The following CSMD3 variants were observed in gnomAD, a reference collection of about 807,000 sequenced individuals.
CSMD3 encodes CUB and sushi domain-containing protein 3.
Under a neutral mutation model 435.2 loss-of-function variants are expected in CSMD3, and 177 were observed. That is an observed-to-expected ratio of 0.41 (90% CI 0.36 to 0.46). The LOEUF is 0.46. CSMD3 is among the 20% of genes least tolerant of loss of function. The pLI is 0.34. For missense variants in CSMD3, 4,265 were observed against 4,504.6 expected (o/e 0.95, Z 1.52); for synonymous variants, 1,656 against 1,520.5 (o/e 1.09, Z -2.07).
At chr8:113,087,088 C>G (rs1242958675) in intron 5 of CSMD3, among the ~76,000 whole-genome samples, 1 of 152,008 alleles carries the variant, frequency 6.6e-6, no homozygotes, top group Non-Finnish European at 1.5e-5. Flanking sequence ...GAGTCATTTT[C>G]CACTCCAAAT....
intron 3 of CSMD3, among the ~76,000 whole-genome samples, chr8:113,242,436 C>T (rs2093229266): frequency 6.6e-6 from 1 of 151,932 alleles, no homozygotes. Context: ...CAACTACTCA[C>T]AATAATAGAC....
At chr8:112,348,248 A>AG in intron 40 of CSMD3, among the ~76,000 whole-genome samples, 1 of 152,330 alleles carries the variant, frequency 6.6e-6, no homozygotes, top group East Asian at 1.9e-4. Context: ...AGCTTCATGT[A>AG]CACTCTTTTG....
chr8:113,066,266 T>G (rs1442810250), intron 5 of CSMD3, among the ~76,000 whole-genome samples: 1 of 152,022 alleles, frequency 6.6e-6, no homozygotes, highest in Non-Finnish European at 1.5e-5. Flanking sequence ...TCTGAGGACT[T>G]TAGAACTCTA....
chr8:112,407,996 G>A (rs993915378), intron 34 of CSMD3, among the ~76,000 whole-genome samples: 3 of 151,826 alleles, frequency 2.0e-5, no homozygotes. Context: ...AACTAAATTA[G>A]ACTAAATAGT....
At chr8:112,913,020 G>A (rs1475764554) in intron 10 of CSMD3, among the ~76,000 whole-genome samples, 2 of 151,772 alleles carry the variant, frequency 1.3e-5, no homozygotes, top group African/African-American at 2.4e-5. Flanking sequence ...CTTTGCCCAC[G>A]GGGCTCCCTC....
chr8:112,960,728 C>G (rs193282079), intron 7 of CSMD3, among the ~76,000 whole-genome samples: 4 of 151,624 alleles, frequency 2.6e-5, no homozygotes, highest in Admixed American at 2.6e-4. Context: ...CAGAAAAATT[C>G]ATTGGTAGAG....
At chr8:113,410,929 G>GAAACAAAAAAAA (rs1233638814) in intron 1 of CSMD3, among the ~76,000 whole-genome samples, 1 of 137,268 alleles carries the variant, frequency 7.3e-6, no homozygotes, top group Non-Finnish European at 1.5e-5. Context: ...AAGAAAGAAA[G>GAAACAAAAAAAA]AAAGAAAGAA....
chr8:112,305,966 C>A (rs1166697518), intron 51 of CSMD3, 41 bp downstream of exon 51: 1 of 1,532,218 alleles, frequency 6.5e-7, no homozygotes, highest in East Asian at 2.3e-5. Context: ...TATAAAATAC[C>A]AAGAGAAAAA....
intron 1 of CSMD3, among the ~76,000 whole-genome samples, chr8:113,347,755 G>A (rs1274700034): frequency 6.6e-6 from 1 of 152,088 alleles, no homozygotes; most frequent in Non-Finnish European, 1.5e-5. Flanking sequence ...ATATATTTGA[G>A]ACTTACTGTC....
chr8:112,801,277 A>G (rs2078955934), intron 12 of CSMD3, among the ~76,000 whole-genome samples: 1 of 152,030 alleles, frequency 6.6e-6, no homozygotes, highest in African/African-American at 2.4e-5. Flanking sequence ...TACTATGAAT[A>G]CACCAGCAGA....
intron 3 of CSMD3, among the ~76,000 whole-genome samples, chr8:113,176,872 A>G (rs1315176672): frequency 1.3e-5 from 2 of 151,916 alleles, no homozygotes; most frequent in Non-Finnish European, 2.9e-5. Context: ...ACAAACCTGC[A>G]CATCCTGGAC....
chr8:112,536,628 A>G (rs1409070463), intron 27 of CSMD3, among the ~76,000 whole-genome samples: 1 of 152,108 alleles, frequency 6.6e-6, no homozygotes, highest in Non-Finnish European at 1.5e-5. Flanking sequence ...TCAGGGATCT[A>G]GAACTAGAAA....
intron 10 of CSMD3, among the ~76,000 whole-genome samples, chr8:112,891,767 G>A (rs1353011672): frequency 6.6e-6 from 1 of 151,502 alleles, no homozygotes; most frequent in East Asian, 2.0e-4. Flanking sequence ...AGGAAACTGA[G>A]GCTTATATAT....
In CSMD3 at chr8:112,304,205, T is replaced by C. The variant is rs75974692; in HGVS notation, c.8266+516A>G. Among the ~76,000 whole-genome samples, 482 of 152,286 alleles carry C rather than the reference T, an allele frequency of 3.2e-3. 11 individuals are homozygous for C. The East Asian group carries it at 0.061, about 19-fold the overall frequency. On this transcript the variant is annotated intron_variant, in intron 52 of 70. Coordinates refer to ENST00000297405, the MANE Select transcript of CSMD3 (RefSeq NM_198123.2). ...CAGTAACTCTACATGACAGGTGTTA[T>C]AATTTTCTAGTTTTAAGATTTTCTA...
At chr8:113,139,236 A>T (rs575735445) in intron 4 of CSMD3, among the ~76,000 whole-genome samples, 1 of 151,184 alleles carries the variant, frequency 6.6e-6, no homozygotes, top group South Asian at 2.1e-4. Flanking sequence ...AAAATTTGAA[A>T]TATTAGAAGG....
At chr8:112,905,367 G>C (rs1196010959) in intron 10 of CSMD3, among the ~76,000 whole-genome samples, 1 of 150,230 alleles carries the variant, frequency 6.7e-6, no homozygotes, top group African/African-American at 2.4e-5. Context: ...ATATGTTATG[G>C]ATGTTAGGGG....
chr8:112,869,553 A>C (rs995164730), intron 10 of CSMD3, among the ~76,000 whole-genome samples: 5 of 152,234 alleles, frequency 3.3e-5, no homozygotes, highest in African/African-American at 1.2e-4. Flanking sequence ...AAGGATTATA[A>C]ATCATCCTAC....
At chr8:113,432,148 T>TC (rs2094677890) in intron 1 of CSMD3, among the ~76,000 whole-genome samples, 1 of 152,064 alleles carries the variant, frequency 6.6e-6, no homozygotes. Flanking sequence ...ACCCGCCTCC[T>TC]CCCCAACCAG....
chr8:112,609,872 A>G (rs1025937757), intron 22 of CSMD3, among the ~76,000 whole-genome samples: 5 of 152,164 alleles, frequency 3.3e-5, no homozygotes, highest in Admixed American at 6.6e-5. Context: ...CTTTGCAACA[A>G]CATGGATGAA....
Sources: gnomAD v4.1 joint callset for allele counts (sites outside exome capture counted in the v4.1 genomes callset) on GRCh38, gnomAD v4.1.1 for gene constraint, MANE v1.5 for transcripts, NCBI Gene and HGNC (gene_info 2026-07-23, HGNC 2026-07-21) for gene names.